The following SEMA4F variants were observed in gnomAD, a reference collection of about 807,000 sequenced individuals.
SEMA4F encodes ssemaphorin 4F.
Under a neutral mutation model 78.4 loss-of-function variants are expected in SEMA4F, and 51 were observed. That is an observed-to-expected ratio of 0.65 (90% CI 0.52 to 0.82). The LOEUF (loss-of-function observed/expected upper bound fraction) is 0.82, where lower values mean the gene tolerates loss of function less well. Ranked by LOEUF, SEMA4F falls within the 40% of genes least tolerant of loss-of-function variation. SEMA4F has a pLI of 0.00. For missense variants in SEMA4F, 938 were observed against 1,014.4 expected (o/e 0.92, Z 1.02); for synonymous variants, 418 against 408.7 (o/e 1.02, Z -0.27).
rs933232624 is a variant in SEMA4F, at chr2:74,673,645, C to T, written c.671-32C>T. 3.7e-6 allele frequency: 6 copies of T among 1,612,392 alleles called. No individual in the cohort carries two copies. The African/African-American group carries it at 6.7e-5, about 18-fold the overall frequency. ...GAGTCTGGGAAGTCCTAGGTTGTGTCTGTGAGGATCTGAGGCCACTGGTAT... is the reference window on the plus strand; with the variant it reads ...GAGTCTGGGAAGTCCTAGGTTGTGTTTGTGAGGATCTGAGGCCACTGGTAT... On this transcript the variant is annotated intron_variant, in intron 6 of 13. Transcript: ENST00000357877.
In SEMA4F at chr2:74,658,632, C is replaced by T. The variant is rs1201206466; in HGVS notation, c.456+681C>T. On this transcript the variant is annotated intron_variant, in intron 4 of 13. Coordinates refer to ENST00000357877, the MANE Select transcript of SEMA4F (RefSeq NM_004263.5). This position sits in a 1 kb window ranked among gnomAD's most constrained non-coding sequence, Gnocchi z 4.3. ...AGGCTTGGGACATGTGTATCCTAATCACATCTAGGCTAGTCATGATCTCTG... is the reference window on the plus strand; with the variant it reads ...AGGCTTGGGACATGTGTATCCTAATTACATCTAGGCTAGTCATGATCTCTG... Among the ~76,000 whole-genome samples, 2 of 152,234 alleles carry T rather than the reference C, an allele frequency of 1.3e-5. No individual in the cohort carries two copies. The highest frequency in any genetic ancestry group is 2.9e-5 in the Non-Finnish European group (2 of 68,042).
At chr2:74,705,094 A>G in the SEMA4F span, among the ~76,000 whole-genome samples, 7 of 152,200 alleles carry the variant, frequency 4.6e-5, no homozygotes, top group African/African-American at 7.2e-5. Flanking sequence ...AACATTTTCT[A>G]AATACAAATT....
intron 1 of SEMA4F, chr2:74,655,332 A>G (rs2104901168): frequency 2.5e-6 from 1 of 397,174 alleles, no homozygotes; most frequent in Non-Finnish European, 5.2e-6. Flanking sequence ...AAGCTAGGAG[A>G]CGTCACAAGG....
In SEMA4F at chr2:74,680,083, C is replaced by T; in HGVS notation, c.2187C>T (p.Ala729=). Residue 729 remains alanine, a synonymous_variant, in exon 14 of 14, where the codon GCC becomes GCT. Transcript: ENST00000357877. ...PSPEDERLPL[A]LAKRGSGFGG... ...CTGAAGATGAGCGGTTGCCGCTGGC[C>T]CTGGCCAAGAGGGGCAGTGGCTTTG... The T allele has an allele frequency of 6.2e-7, 1 of 1,614,036 alleles. No homozygotes were observed. Among genetic ancestry groups the T allele is most frequent in the East Asian group, 2.2e-5 (1 of 44,866 alleles).
At chr2:74,655,334 G>T (rs1272039457) in intron 1 of SEMA4F, 1 of 392,440 alleles carries the variant, frequency 2.5e-6, no homozygotes, top group African/African-American at 2.1e-5. Flanking sequence ...GCTAGGAGAC[G>T]TCACAAGGTT....
the SEMA4F span, among the ~76,000 whole-genome samples, chr2:74,691,416 C>T: frequency 1.3e-5 from 2 of 152,132 alleles, no homozygotes; most frequent in African/African-American, 4.8e-5. Context: ...TAGGCATCCT[C>T]GGGGAGCATG....
intron 5 of SEMA4F, among the ~76,000 whole-genome samples, chr2:74,670,243 C>G (rs1477519614): frequency 6.6e-6 from 1 of 152,156 alleles, no homozygotes; most frequent in South Asian, 2.1e-4. Context: ...TTGTGGACTC[C>G]TATGCTCAAT....
Position 74,675,121 on chromosome 2 carries a change from G to T in SEMA4F, c.1150-41G>T, listed in dbSNP as rs375500171. 4 of 1,613,592 alleles carry T rather than the reference G, an allele frequency of 2.5e-6. No homozygotes were observed. The African/African-American group carries it at 5.3e-5, about 22-fold the overall frequency. The stretch of plus-strand genomic sequence containing the variant: ...CCACTAAGCATCACTGGCATGTCCT[G>T]TTCCTGGGAAACTTTGTCACCAGCC... On this transcript the variant is annotated intron_variant, in intron 9 of 13. Coordinates refer to ENST00000357877, the MANE Select transcript of SEMA4F (RefSeq NM_004263.5).
intron 5 of SEMA4F, among the ~76,000 whole-genome samples, chr2:74,665,168 T>A (rs944360358): frequency 1.3e-5 from 2 of 151,974 alleles, no homozygotes; most frequent in African/African-American, 2.4e-5. Context: ...TTTTTTCCTA[T>A]GCATGACTTT....
rs759515195 is a variant in SEMA4F, at chr2:74,656,678, C to T, written c.290C>T (p.Pro97Leu). 2 of 1,613,946 alleles carry T rather than the reference C, an allele frequency of 1.2e-6. No individual in the cohort carries two copies. The highest frequency in any genetic ancestry group is 3.3e-5 in the Admixed American group (2 of 59,990). Residue 97 changes from proline (P) to leucine (L), a missense_variant, in exon 2 of 14, where the codon CCC (proline) becomes CTC (leucine). Physicochemically the swap from Pro to Leu is moderately conservative, Grantham distance 98. Coordinates refer to ENST00000357877, the MANE Select transcript of SEMA4F (RefSeq NM_004263.5). ...ALSLPFSGERPRRIDWMVPEA... is the reference protein window; with the variant it reads ...ALSLPFSGERLRRIDWMVPEA... ...TCCCTGCCCTTCTCAGGGGAGAGAC[C>T]CCGCAGGGTGAGAGACAAGAGAGGG...
rs954381707 is a variant in SEMA4F at position 74,680,189 on chromosome 2, T to C, written c.2293T>C (p.Cys765Arg). 7.0e-6 allele frequency: 11 copies of C among 1,580,636 alleles called. No individual in the cohort carries two copies. In the Admixed American group the frequency reaches 8.6e-5, roughly 12 times the overall value. ...GCTAACTGGGGCTCCTCTAGCCACA[T>C]GTGATGAAACATCCATCTAGAGCTG... Reference protein sequence around the residue: ...IRLTGAPLATCDETSI With the variant: ...IRLTGAPLATRDETSI Residue 765 changes from cysteine to arginine, a missense_variant, in exon 14 of 14, where the codon TGT becomes CGT. Physicochemically the swap from Cys to Arg is radical, Grantham distance 180 (BLOSUM62 -3). Coordinates refer to ENST00000357877, the MANE Select transcript of SEMA4F (RefSeq NM_004263.5).
chr2:74,698,939 C>T, the SEMA4F span, among the ~76,000 whole-genome samples: 1 of 152,126 alleles, frequency 6.6e-6, no homozygotes, highest in Non-Finnish European at 1.5e-5. Flanking sequence ...TGCTTTCTTA[C>T]AGAATCACAG....
intron 1 of SEMA4F, 81 bp downstream of exon 1, chr2:74,654,602 C>G (rs997747917): frequency 1.5e-4 from 193 of 1,265,480 alleles, no homozygotes; most frequent in Admixed American, 5.2e-4. Flanking sequence ...ACCGCTCGGC[C>G]GGACCCGGGC....
intron 11 of SEMA4F, 51 bp from the exon 12 acceptor site, chr2:74,675,698 C>G (rs757150665): frequency 2.5e-6 from 4 of 1,613,444 alleles, no homozygotes; most frequent in Non-Finnish European, 1.7e-6. Flanking sequence ...GTTTGTGACC[C>G]TGAGGTCTGG....
downstream of SEMA4F, among the ~76,000 whole-genome samples, chr2:74,686,282 G>A (rs1685820809): frequency 6.6e-6 from 1 of 152,082 alleles, no homozygotes; most frequent in Admixed American, 6.5e-5. Context: ...TGTATTTTTA[G>A]TAGAGACGGG....
Position 74,673,568 on chromosome 2 carries a change from G to T in SEMA4F, c.662G>T (p.Trp221Leu). ...ATTCGGACAGATACCTTGCCTTCCT[G>T]GCTGAACGGTGGGGAGAGGGAGAGG... ...DWIRTDTLPS[W>L]LNAPAFVAAV... Residue 221 changes from tryptophan (W) to leucine (L), a missense_variant, in exon 6 of 14, where the codon TGG (tryptophan) becomes TTG (leucine). Physicochemically the swap from Trp to Leu is moderately conservative, Grantham distance 61. Transcript: ENST00000357877. 1 of 1,614,164 alleles carries T rather than the reference G, an allele frequency of 6.2e-7. No homozygotes were observed. Among genetic ancestry groups the T allele is most frequent in the Non-Finnish European group, 8.5e-7 (1 of 1,180,036 alleles).
At chr2:74,670,621 G>A (rs984095581) in intron 5 of SEMA4F, among the ~76,000 whole-genome samples, 3 of 152,146 alleles carry the variant, frequency 2.0e-5, no homozygotes, top group Non-Finnish European at 4.4e-5. Context: ...ACCAAGTCAC[G>A]CTCCCAGCGT....
intron 8 of SEMA4F, 39 bp from the exon 9 acceptor site, chr2:74,674,849 G>T: frequency 6.2e-7 from 1 of 1,607,882 alleles, no homozygotes. Flanking sequence ...CTATCCCCCA[G>T]ACCCCTCCAT....
Position 74,654,359 on chromosome 2 carries a change from G to T in SEMA4F, c.-18G>T, listed in dbSNP as rs1271500664. The stretch of plus-strand genomic sequence containing the variant: ...AGGCCGTAGCTTGCGCCGCACCCGC[G>T]GCCAGGCGGAGCCAAAGATGCCGGC... On this transcript the variant is annotated 5_prime_UTR_variant, in exon 1 of 14. Transcript: ENST00000357877. The T allele has an allele frequency of 2.0e-6, 3 of 1,475,110 alleles. No homozygotes were observed. Among genetic ancestry groups the T allele is most frequent in the Non-Finnish European group, 1.8e-6 (2 of 1,120,448 alleles). 91.4% of individuals were successfully genotyped at this position (1,475,110 alleles called of 1,614,324 possible).
Sources: allele counts gnomAD v4.1 joint callset (sites outside exome capture counted in the v4.1 genomes callset), GRCh38; gene constraint gnomAD v4.1.1; non-coding constraint Gnocchi (gnomAD v3.1); transcripts MANE v1.5; gene names NCBI Gene and HGNC (gene_info 2026-07-23, HGNC 2026-07-21).